Variants in TTLL5 observed in about 807,000 individuals in gnomAD.
TTLL5 encodes tubulin polyglutamylase TTLL5.
A neutral mutation model predicts 168.4 loss-of-function variants in TTLL5; 132 were observed. That is an observed-to-expected ratio of 0.78 (90% CI 0.68 to 0.91). The LOEUF is 0.91. Ranked by LOEUF, TTLL5 falls within the 40% of genes least tolerant of loss-of-function variation. The pLI is 0.00. For missense variants in TTLL5, 1,545 were observed against 1,581.5 expected, an observed-to-expected ratio of 0.98 and a Z score of 0.39; for synonymous variants, 546 against 558.6, an observed-to-expected ratio of 0.98 and a Z score of 0.32.
chr14:75,875,835 A>T (rs952395146), intron 29 of TTLL5, among the ~76,000 whole-genome samples: 1 of 152,226 alleles, frequency 6.6e-6, no homozygotes, highest in African/African-American at 2.4e-5. Context: ...ATAGAAAATA[A>T]GTTTGTATAT....
At chr14:75,927,032 T>C (rs2034095760) in intron 31 of TTLL5, among the ~76,000 whole-genome samples, 1 of 152,160 alleles carries the variant, frequency 6.6e-6, no homozygotes, top group Non-Finnish European at 1.5e-5. Flanking sequence ...TTGGGTTTCT[T>C]TTTGGAGTAA....
chr14:75,716,037 G>C (rs910723368), intron 9 of TTLL5, among the ~76,000 whole-genome samples: 8 of 152,142 alleles, frequency 5.3e-5, no homozygotes, highest in African/African-American at 1.4e-4. Context: ...TGACAGGAGG[G>C]ATGTCACCTT....
chr14:75,684,030 T>C (rs1033474985), intron 5 of TTLL5: 7 of 213,172 alleles, frequency 3.3e-5, no homozygotes, highest in Non-Finnish European at 4.8e-5. Context: ...TGCCTTGGCC[T>C]CCCAAAGTGC....
intron 18 of TTLL5, among the ~76,000 whole-genome samples, chr14:75,761,111 T>C (rs1357773449): frequency 6.6e-6 from 1 of 152,088 alleles, no homozygotes; most frequent in African/African-American, 2.4e-5. Flanking sequence ...GATATATGAG[T>C]AGCCAATATG....
chr14:75,720,489 T>C (rs1887771686), intron 11 of TTLL5, 107 bp from the exon 12 acceptor site: 1 of 855,380 alleles, frequency 1.2e-6, no homozygotes, highest in Non-Finnish European at 1.9e-6. Flanking sequence ...ATAGAGGCTT[T>C]TTTGAATGAG....
At chr14:75,716,554 G>A (rs2140194516) in intron 9 of TTLL5, among the ~76,000 whole-genome samples, 1 of 152,216 alleles carries the variant, frequency 6.6e-6, no homozygotes, top group East Asian at 1.9e-4. Flanking sequence ...GTCTGAGTAA[G>A]CATATGTAAA....
rs1419248707 is a variant in TTLL5, at chr14:75,718,155, C to T, written c.842+193C>T. On this transcript the variant is annotated intron_variant, in intron 10 of 31. Transcript: ENST00000298832. ...GCTTCTCCATTGCCTCCCCGGTTAA[C>T]GGTGTCACCTTTCTCTACCAAAATG... Among the ~76,000 whole-genome samples the T allele has an allele frequency of 3.9e-5, 6 of 152,208 alleles. No homozygotes were observed. In the South Asian group the frequency reaches 8.3e-4, roughly 21 times the overall value.
chr14:75,800,355 A>AT (rs1285178829), intron 27 of TTLL5, among the ~76,000 whole-genome samples: 4 of 151,556 alleles, frequency 2.6e-5, no homozygotes, highest in Non-Finnish European at 5.9e-5. Flanking sequence ...TTCCCTGGAG[A>AT]TTTTTTGGTC....
rs760701177 is a variant in TTLL5 at position 75,855,752 on chromosome 14, C to T, written c.3327-7915C>T. Among the ~76,000 whole-genome samples, 38 of 152,298 alleles carry T rather than the reference C, an allele frequency of 2.5e-4. No individual in the cohort carries two copies. In the East Asian group the frequency reaches 2.9e-3, roughly 12 times the overall value. On this transcript the variant is annotated intron_variant, in intron 28 of 31. Coordinates refer to ENST00000298832, the MANE Select transcript of TTLL5 (RefSeq NM_015072.5). ...AAGAACTGATCTGAGCTGCAGCCCA[C>T]GGAGGAGAAGAAAGAATTGCAATTT...
chr14:75,672,904 T>G (rs1274142366), intron 3 of TTLL5, among the ~76,000 whole-genome samples: 1 of 152,152 alleles, frequency 6.6e-6, no homozygotes, highest in Non-Finnish European at 1.5e-5. Flanking sequence ...TTTTCCTTAG[T>G]TTAGCTAGAG....
At chr14:75,808,981 A>G (rs1045660587) in intron 27 of TTLL5, among the ~76,000 whole-genome samples, 3 of 151,514 alleles carry the variant, frequency 2.0e-5, no homozygotes, top group Non-Finnish European at 2.9e-5. Flanking sequence ...AGGAATATAT[A>G]TATATATATT....
rs1893379239 is a variant in TTLL5, at chr14:75,802,481, G to T, written c.3171+9381G>T. 4.6e-5 allele frequency among the ~76,000 whole-genome samples: 7 copies of T among 152,154 alleles called. No individual in the cohort carries two copies. The South Asian group carries it at 1.5e-3, about 32-fold the overall frequency. On this transcript the variant is annotated intron_variant, in intron 27 of 31. Transcript: ENST00000298832. ...TGAGTATAGAATATTGAAGTTGTTG[G>T]GTATTTCTGAAAAATCATTATATTT...
intron 15 of TTLL5, among the ~76,000 whole-genome samples, chr14:75,738,963 C>G (rs1444700231): frequency 6.6e-6 from 1 of 152,042 alleles, no homozygotes; most frequent in Non-Finnish European, 1.5e-5. Flanking sequence ...CACCACCATG[C>G]CTGGCTAATT....
At chr14:75,930,557 C>G in intron 31 of TTLL5, 1 of 955,878 alleles carries the variant, frequency 1.0e-6, no homozygotes, top group Non-Finnish European at 1.2e-6. Context: ...GGATAATCAG[C>G]CTGTATATAT....
intron 17 of TTLL5, among the ~76,000 whole-genome samples, chr14:75,752,380 A>G (rs1890005722): frequency 6.6e-6 from 1 of 152,178 alleles, no homozygotes; most frequent in Non-Finnish European, 1.5e-5. Context: ...GAATGAATTG[A>G]TGTTACAGAT....
chr14:75,902,048 G>C, intron 30 of TTLL5, 94 bp from the exon 31 acceptor site: 1 of 1,024,124 alleles, frequency 9.8e-7, no homozygotes. Flanking sequence ...CACAGGAGAA[G>C]CAGCACCAAG....
intron 27 of TTLL5, among the ~76,000 whole-genome samples, chr14:75,808,930 T>A (rs915747606): frequency 4.6e-5 from 7 of 151,914 alleles, no homozygotes; most frequent in African/African-American, 1.7e-4. Context: ...CAGCTGATCC[T>A]GTCAGATTTT....
intron 18 of TTLL5, among the ~76,000 whole-genome samples, chr14:75,753,770 A>G (rs1594973884): frequency 6.6e-6 from 1 of 152,138 alleles, no homozygotes. Context: ...AGAAGACAGA[A>G]TCTCATTTCT....
chr14:75,692,375 TTAAC>T (rs1283950303), intron 6 of TTLL5, among the ~76,000 whole-genome samples: 10 of 152,252 alleles, frequency 6.6e-5, no homozygotes, highest in South Asian at 4.1e-4. Context: ...TATGTTTTGT[TTAAC>T]TACTAACTAA....
Sources: gnomAD v4.1 joint callset for allele counts (sites outside exome capture counted in the v4.1 genomes callset) on GRCh38, gnomAD v4.1.1 for gene constraint, MANE v1.5 for transcripts, NCBI Gene and HGNC (gene_info 2026-07-23, HGNC 2026-07-21) for gene names.